The following TACR3 variants were observed in gnomAD, a reference collection of about 807,000 sequenced individuals.
TACR3 encodes tachykinin receptor 3, also known as neuromedin-K receptor.
In TACR3, 34 loss-of-function variants were observed where a neutral mutation model predicts 35.0. The ratio of observed to expected loss-of-function variants is 0.97; its 90% CI spans 0.74 to 1.30. TACR3 has a LOEUF of 1.30. Ranked by LOEUF, TACR3 falls within the 50% of genes most tolerant of loss-of-function variation. The pLI is 0.00. For synonymous variants in TACR3, 233 were observed against 221.1 expected (o/e 1.05, Z -0.48); for missense variants, 558 against 591.7 (o/e 0.94, Z 0.59).
intron 3 of TACR3, among the ~76,000 whole-genome samples, chr4:103,644,119 A>T (rs570280438): frequency 6.6e-6 from 1 of 151,974 alleles, no homozygotes; most frequent in East Asian, 1.9e-4. Context: ...TGCCACACAT[A>T]GAGAGCAGGA....
chr4:103,649,411 A>G, intron 3 of TACR3, among the ~76,000 whole-genome samples: 1 of 152,034 alleles, frequency 6.6e-6, no homozygotes, highest in East Asian at 1.9e-4. Flanking sequence ...TAGTAGTTTC[A>G]TAGTTTCAGG....
At position 103,630,995 on chromosome 4, in the gene TACR3, A is replaced by C. The variant is rs187735313; in HGVS notation, c.888+25199T>G. ...CACATATACACATGGAATACAATGC[A>C]GCCATAAAAAGATGAGTTCATGTCC... On this transcript the variant is annotated intron_variant, in intron 3 of 4. Transcript: ENST00000304883. Among the ~76,000 whole-genome samples the C allele has an allele frequency of 1.2e-4, 18 of 152,338 alleles. No individual in the cohort carries two copies. In the East Asian group the frequency reaches 3.3e-3, roughly 28 times the overall value.
chr4:103,642,017 A>G (rs1389871733), intron 3 of TACR3, among the ~76,000 whole-genome samples: 1 of 151,928 alleles, frequency 6.6e-6, no homozygotes, highest in Admixed American at 6.6e-5. Flanking sequence ...CATTTCAGTT[A>G]GACAGGTGAT....
At chr4:103,666,822 T>A (rs1725946571) in intron 1 of TACR3, among the ~76,000 whole-genome samples, 1 of 152,188 alleles carries the variant, frequency 6.6e-6, no homozygotes, top group Admixed American at 6.5e-5. Context: ...CCATAAGACA[T>A]AAAATTCTAA....
intron 3 of TACR3, among the ~76,000 whole-genome samples, chr4:103,609,937 A>T (rs931897690): frequency 2.0e-5 from 3 of 152,088 alleles, no homozygotes; most frequent in African/African-American, 7.2e-5. Context: ...GGAAACTGTT[A>T]CAAATCATAA....
chr4:103,643,105 A>G (rs1473422165), intron 3 of TACR3, among the ~76,000 whole-genome samples: 2 of 151,822 alleles, frequency 1.3e-5, no homozygotes, highest in African/African-American at 2.4e-5. Context: ...TATTGTTTTT[A>G]TGCCTTTTTA....
intron 3 of TACR3, among the ~76,000 whole-genome samples, chr4:103,649,890 G>T (rs1725550540): frequency 6.6e-6 from 1 of 152,072 alleles, no homozygotes; most frequent in South Asian, 2.1e-4. Flanking sequence ...GGGTGATCCT[G>T]AAGGTCATGG....
At chr4:103,610,135 G>C (rs1027078414) in intron 3 of TACR3, among the ~76,000 whole-genome samples, 5 of 151,956 alleles carry the variant, frequency 3.3e-5, no homozygotes, top group Non-Finnish European at 7.4e-5. Flanking sequence ...TATGTACCTT[G>C]TAATGGAATT....
At chr4:103,637,955 G>A (rs978854396) in intron 3 of TACR3, among the ~76,000 whole-genome samples, 3 of 152,040 alleles carry the variant, frequency 2.0e-5, no homozygotes, top group African/African-American at 7.2e-5. Context: ...CAAACAAATG[G>A]AAGAATATTC....
intron 3 of TACR3, among the ~76,000 whole-genome samples, chr4:103,654,661 C>A (rs1725694518): frequency 6.6e-6 from 1 of 150,508 alleles, no homozygotes; most frequent in Non-Finnish European, 1.5e-5. Context: ...CAAACCTGCA[C>A]ATTGTGCACA....
intron 3 of TACR3, among the ~76,000 whole-genome samples, chr4:103,601,196 C>G (rs549882531): frequency 1.6e-4 from 25 of 152,160 alleles, no homozygotes; most frequent in African/African-American, 5.8e-4. Flanking sequence ...GAATTGATCC[C>G]TTTACCATTA....
chr4:103,629,456 A>G (rs1380796888), intron 3 of TACR3, among the ~76,000 whole-genome samples: 1 of 152,176 alleles, frequency 6.6e-6, no homozygotes, highest in Non-Finnish European at 1.5e-5. Flanking sequence ...AGGATACAAA[A>G]TCAATGTGCA....
intron 3 of TACR3, among the ~76,000 whole-genome samples, chr4:103,639,859 T>C (rs1026233555): frequency 5.3e-5 from 8 of 152,014 alleles, no homozygotes; most frequent in African/African-American, 1.9e-4. Flanking sequence ...AAGGATTCAA[T>C]GTCTAATGTA....
At chr4:103,623,889 T>C (rs17033923) in intron 3 of TACR3, among the ~76,000 whole-genome samples, 20,002 of 152,068 alleles carry the variant, frequency 0.13, 1,483 homozygotes, top group Middle Eastern at 0.22. Flanking sequence ...TGGCTTATAT[T>C]CTGAATAATG....
intron 3 of TACR3, among the ~76,000 whole-genome samples, chr4:103,628,332 C>G (rs1288936721): frequency 1.3e-5 from 2 of 152,038 alleles, no homozygotes; most frequent in Non-Finnish European, 2.9e-5. Flanking sequence ...ACAAAAAACC[C>G]TTCAAAAAAT....
chr4:103,665,245 A>G (rs1302164471), intron 1 of TACR3, among the ~76,000 whole-genome samples: 2 of 151,996 alleles, frequency 1.3e-5, no homozygotes, highest in African/African-American at 4.8e-5. Context: ...TGACTCATAT[A>G]TGACTATGAC....
chr4:103,719,042 T>G, intron 1 of TACR3, 86 bp downstream of exon 1: 1 of 1,564,058 alleles, frequency 6.4e-7, no homozygotes, highest in Non-Finnish European at 8.7e-7. Flanking sequence ...CCCCGTTACG[T>G]TACTATTTCC....
intron 1 of TACR3, among the ~76,000 whole-genome samples, chr4:103,692,151 T>G (rs1722417844): frequency 6.6e-6 from 1 of 152,202 alleles, no homozygotes; most frequent in Admixed American, 6.5e-5. Context: ...GTGATTGGAA[T>G]ACATGATTCA....
chr4:103,631,006 G>T (rs1725047667), intron 3 of TACR3, among the ~76,000 whole-genome samples: 1 of 151,844 alleles, frequency 6.6e-6, no homozygotes, highest in Non-Finnish European at 1.5e-5. Flanking sequence ...GCCATAAAAA[G>T]ATGAGTTCAT....
Sources: allele counts gnomAD v4.1 joint callset (sites outside exome capture counted in the v4.1 genomes callset), GRCh38; gene constraint gnomAD v4.1.1; transcripts MANE v1.5; gene names NCBI Gene and HGNC (gene_info 2026-07-23, HGNC 2026-07-21).